GET1: variants seen among roughly 807,000 people sequenced by gnomAD.
The protein encoded by GET1 is congenital heart disease 5 protein.
A neutral mutation model predicts 22.6 loss-of-function variants in GET1; 20 were observed. The observed-to-expected ratio is 0.89, with a 90% CI of 0.62 to 1.29. The LOEUF (loss-of-function observed/expected upper bound fraction) is 1.29, where lower values mean the gene tolerates loss of function less well. Ranked by LOEUF, GET1 falls within the 50% of genes most tolerant of loss-of-function variation. The pLI is 0.00. For synonymous variants in GET1, 92 were observed against 83.8 expected (o/e 1.10, Z -0.53); for missense variants, 209 against 219.9 (o/e 0.95, Z 0.31).
At chr21:39,387,913 G>C in intron 1 of GET1, 18 of 881,312 alleles carry the variant, frequency 2.0e-5, no homozygotes, top group Non-Finnish European at 2.4e-5. Context: ...GCACACTTTA[G>C]ATACACTATA....
rs2038700872 is a variant in GET1, at chr21:39,397,000, C to G, written c.*61C>G. 7 of 1,552,674 alleles carry G rather than the reference C, an allele frequency of 4.5e-6. No individual in the cohort carries two copies. In the East Asian group the frequency reaches 1.6e-4, roughly 35 times the overall value. ...GGATTTCCTCTTCCTAGCTTAAAAT[C>G]TGATTTACACTGTTTTGTTTTTTAA... On this transcript the variant is annotated 3_prime_UTR_variant, in exon 5 of 5. Transcript: ENST00000649170.
At chr21:39,399,289 T>A (rs1171932552), downstream of GET1, among the ~76,000 whole-genome samples, 1 of 152,242 alleles carries the variant, frequency 6.6e-6, no homozygotes, top group Non-Finnish European at 1.5e-5. Flanking sequence ...TTACTGTTTT[T>A]TTTTAAAAAT....
intron 1 of GET1, among the ~76,000 whole-genome samples, chr21:39,419,526 AAAAAAAAAAG>A (rs964715517): frequency 2.7e-5 from 4 of 146,376 alleles, no homozygotes; most frequent in African/African-American, 1.1e-4. Context: ...CCCTGTTCAA[AAAAAAAAAAG>A]AAAAAAGAAA....
chr21:39,393,108 CTGTGTGGTCGGT>C (rs2038414143), intron 3 of GET1, 46 bp from the exon 4 acceptor site: 26 of 1,432,948 alleles, frequency 1.8e-5, no homozygotes, highest in Non-Finnish European at 2.6e-5. Context: ...GTCCTCCCTT[CTGTGTGGTCGGT>C]TGTGTGATTG....
At position 39,380,372 on chromosome 21, in the gene GET1, A is replaced by T. The variant is rs367655852; in HGVS notation, c.-13A>T. On this transcript the variant is annotated 5_prime_UTR_variant, in exon 1 of 5. Coordinates refer to ENST00000649170, the MANE Select transcript of GET1 (RefSeq NM_004627.6). Reference sequence around the variant, plus strand: ...CTGCCGTAGCGGACCCAGCACAGCCAGGAGCGTCCGGGATGAGCTCAGCCG... The same window carrying T: ...CTGCCGTAGCGGACCCAGCACAGCCTGGAGCGTCCGGGATGAGCTCAGCCG... The T allele has an allele frequency of 5.7e-6, 9 of 1,592,292 alleles. No homozygotes were observed. The South Asian group carries it at 9.0e-5, about 16-fold the overall frequency.
intron 1 of GET1, among the ~76,000 whole-genome samples, chr21:39,389,353 C>G (rs1601615245): frequency 1.3e-5 from 2 of 151,942 alleles, no homozygotes; most frequent in Non-Finnish European, 2.9e-5. Context: ...ATGATCTCAG[C>G]TCACTGTAGC....
downstream of GET1, among the ~76,000 whole-genome samples, chr21:39,401,388 A>G (rs535255921): frequency 6.6e-5 from 10 of 152,208 alleles, no homozygotes; most frequent in Admixed American, 2.0e-4. Flanking sequence ...TTTATTAAAT[A>G]TTGAGAGGTA....
At chr21:39,383,245 C>T (rs573667154) in intron 1 of GET1, among the ~76,000 whole-genome samples, 11 of 150,502 alleles carry the variant, frequency 7.3e-5, no homozygotes, top group Non-Finnish European at 8.9e-5. Flanking sequence ...TGTGCCACCG[C>T]GCCCAGCCTA....
chr21:39,428,156 A>G, intron 1 of GET1: 1 of 1,494,680 alleles, frequency 6.7e-7, no homozygotes, highest in Non-Finnish European at 9.1e-7. Context: ...CTTGCTTGGG[A>G]AATTTTACTC....
intron 4 of GET1, among the ~76,000 whole-genome samples, chr21:39,404,613 G>C (rs768465302): frequency 6.6e-5 from 10 of 151,786 alleles, no homozygotes; most frequent in Non-Finnish European, 1.0e-4. Context: ...AGCTGGGTGT[G>C]GTGGTGCATG....
chr21:39,413,282 T>G (rs2040430264), intron 1 of GET1, among the ~76,000 whole-genome samples: 7 of 152,110 alleles, frequency 4.6e-5, no homozygotes, highest in Admixed American at 4.6e-4. Flanking sequence ...GGATGCCATC[T>G]CCACTGAGAC....
In GET1 at chr21:39,383,019, C is replaced by T. The variant is rs913637785; in HGVS notation, c.102+2533C>T. 7.9e-5 allele frequency among the ~76,000 whole-genome samples: 12 copies of T among 151,780 alleles called. No homozygotes were observed. In the East Asian group the frequency reaches 1.4e-3, roughly 17 times the overall value. On this transcript the variant is annotated intron_variant, in intron 1 of 4. Transcript: ENST00000649170. ...AGGCTGGAGTGCAGTAGCGCAGTCT[C>T]GGCTCACTGCAAGCTCCGCCTCCCG... is the stretch of plus-strand genomic sequence containing the variant.
In GET1 at chr21:39,417,797, G is replaced by A. The variant is rs547025855; in HGVS notation, c.*23+6860G>A. ...TAATTTTTTTTTGAGATGGAGTCTC[G>A]CTCTGTCGCCCAGGCTGGAGTGCGG... On this transcript the variant is annotated intron_variant, in intron 1 of 1. Coordinates refer to the GET1 transcript ENST00000478273. 8.2e-4 allele frequency among the ~76,000 whole-genome samples: 124 copies of A among 151,756 alleles called. 2 individuals are homozygous for A. The highest frequency in any genetic ancestry group is 1.3e-3 in the Non-Finnish European group (89 of 67,912).
At chr21:39,416,403 A>G (rs2041160398) in intron 1 of GET1, among the ~76,000 whole-genome samples, 1 of 152,338 alleles carries the variant, frequency 6.6e-6, no homozygotes, top group South Asian at 2.1e-4. Context: ...TCCTTTTGAT[A>G]CTACCCTAAT....
chr21:39,380,727 G>A (rs1038220281), intron 1 of GET1: 21 of 1,229,236 alleles, frequency 1.7e-5, no homozygotes, highest in Non-Finnish European at 2.1e-5. Context: ...GACTCTTCTG[G>A]CTGTGGGTGG....
At chr21:39,414,573 C>T (rs1447509935) in intron 1 of GET1, among the ~76,000 whole-genome samples, 3 of 152,158 alleles carry the variant, frequency 2.0e-5, no homozygotes, top group Admixed American at 6.5e-5. Flanking sequence ...TCAACAACCT[C>T]GTGACTCGCT....
intron 1 of GET1, among the ~76,000 whole-genome samples, chr21:39,413,678 C>T (rs1294184609): frequency 8.5e-5 from 13 of 152,178 alleles, no homozygotes; most frequent in Admixed American, 8.5e-4. Context: ...ACAGTAAATG[C>T]TGACAGTTCA....
At chr21:39,402,071 G>A (rs1293282814), downstream of GET1, among the ~76,000 whole-genome samples, 5 of 152,012 alleles carry the variant, frequency 3.3e-5, no homozygotes, top group Admixed American at 2.6e-4. Flanking sequence ...GAAGAGTTGC[G>A]TGTCTTTCGT....
At chr21:39,389,632 G>A (rs1218742750) in intron 1 of GET1, among the ~76,000 whole-genome samples, 3 of 152,154 alleles carry the variant, frequency 2.0e-5, no homozygotes, top group Non-Finnish European at 4.4e-5. Flanking sequence ...TGTCTTGTAT[G>A]TCTGTCTCCC....
Sources: allele counts gnomAD v4.1 joint callset (sites outside exome capture counted in the v4.1 genomes callset), GRCh38; gene constraint gnomAD v4.1.1; transcripts MANE v1.5; gene names NCBI Gene and HGNC (gene_info 2026-07-23, HGNC 2026-07-21).